The following HS6ST3 variants were observed in gnomAD, a reference collection of about 807,000 sequenced individuals.
HS6ST3 encodes heparan sulfate 6-O-sulfotransferase 3.
In HS6ST3, 12 loss-of-function variants were observed where a neutral mutation model predicts 36.7. The ratio of observed to expected loss-of-function variants is 0.33; its 90% confidence interval spans 0.21 to 0.53. The LOEUF (loss-of-function observed/expected upper bound fraction) is 0.53. Ranked by LOEUF, HS6ST3 falls within the 20% of genes least tolerant of loss-of-function variation. The pLI, the probability that HS6ST3 is intolerant of heterozygous loss-of-function variation, is 0.95. For missense variants in HS6ST3, 584 were observed against 640.9 expected (o/e 0.91, Z 0.96); for synonymous variants, 240 against 257.5 (o/e 0.93, Z 0.65).
At chr13:96,261,646 G>C (rs1437859336) in intron 1 of HS6ST3, among the ~76,000 whole-genome samples, 1 of 152,154 alleles carries the variant, frequency 6.6e-6, no homozygotes, top group Non-Finnish European at 1.5e-5. Flanking sequence ...CACTCAATCT[G>C]TTTAGGCCTA....
rs148499380 is a variant in HS6ST3 at position 96,179,702 on chromosome 13, G to A, written c.707+88133G>A. Among the ~76,000 whole-genome samples, 345 of 152,210 alleles carry A rather than the reference G, an allele frequency of 2.3e-3. 2 individuals are homozygous for A. The highest frequency in any genetic ancestry group is 8.0e-3 in the African/African-American group (332 of 41,516). ...CATCTCTAAAACACTCCTCACTACA[G>A]TCTGTCTTGGATTATACTTATGAGT... is the stretch of plus-strand genomic sequence containing the variant. On this transcript the variant is annotated intron_variant, in intron 1 of 1. Transcript: ENST00000376705.
At position 96,096,038 on chromosome 13, in the gene HS6ST3, T is replaced by C. The variant is rs147810160; in HGVS notation, c.707+4469T>C. ...TGAACCTTCAGATCTCTTTTTTTTTTGTATACCACTTAGGAAAAATTTTAA... is the reference window on the plus strand; with the variant it reads ...TGAACCTTCAGATCTCTTTTTTTTTCGTATACCACTTAGGAAAAATTTTAA... On this transcript the variant is annotated intron_variant, in intron 1 of 1. Coordinates refer to ENST00000376705, the MANE Select transcript of HS6ST3 (RefSeq NM_153456.4). 1.4e-3 allele frequency among the ~76,000 whole-genome samples: 212 copies of C among 152,224 alleles called. 1 individual carries two copies. Among genetic ancestry groups the C allele is most frequent in the African/African-American group, 4.8e-3 (198 of 41,536 alleles).
intron 1 of HS6ST3, among the ~76,000 whole-genome samples, chr13:96,661,729 G>T (rs890677157): frequency 6.6e-6 from 1 of 152,112 alleles, no homozygotes; most frequent in East Asian, 1.9e-4. Flanking sequence ...ATGATGGTGA[G>T]TTTTGCCCAT....
At chr13:96,609,379 T>A (rs2056449868) in intron 1 of HS6ST3, among the ~76,000 whole-genome samples, 1 of 152,222 alleles carries the variant, frequency 6.6e-6, no homozygotes, top group Non-Finnish European at 1.5e-5. Flanking sequence ...CTGCTGGTTA[T>A]ACCTTGAAGA....
intron 1 of HS6ST3, among the ~76,000 whole-genome samples, chr13:96,433,637 A>G (rs2055627094): frequency 6.6e-6 from 1 of 152,180 alleles, no homozygotes; most frequent in African/African-American, 2.4e-5. Flanking sequence ...CTGTGAGTCT[A>G]TTAAACCTCT....
intron 1 of HS6ST3, among the ~76,000 whole-genome samples, chr13:96,611,688 C>T (rs1257390719): frequency 6.6e-6 from 1 of 152,206 alleles, no homozygotes; most frequent in Non-Finnish European, 1.5e-5. Flanking sequence ...ATAGCCTTTG[C>T]TCAGGCATAC....
At chr13:96,267,015 G>A (rs1402331460) in intron 1 of HS6ST3, among the ~76,000 whole-genome samples, 1 of 152,158 alleles carries the variant, frequency 6.6e-6, no homozygotes, top group Non-Finnish European at 1.5e-5. Context: ...GGACCTGATG[G>A]GAGGGACCCA....
chr13:96,550,168 G>T (rs74107924), intron 1 of HS6ST3, among the ~76,000 whole-genome samples: 1 of 152,136 alleles, frequency 6.6e-6, no homozygotes, highest in Admixed American at 6.6e-5. Context: ...TGCAGATGGG[G>T]CCTAGTGGGA....
intron 1 of HS6ST3, among the ~76,000 whole-genome samples, chr13:96,535,112 G>C (rs983026496): frequency 6.6e-5 from 10 of 152,270 alleles, no homozygotes; most frequent in African/African-American, 2.2e-4. Context: ...AGAGAGTCCT[G>C]AATAATGTGG....
intron 1 of HS6ST3, among the ~76,000 whole-genome samples, chr13:96,343,146 C>G (rs1364722476): frequency 6.6e-6 from 1 of 152,222 alleles, no homozygotes; most frequent in African/African-American, 2.4e-5. Flanking sequence ...TGCCAGAGCA[C>G]TTGCTATCTT....
chr13:96,576,644 T>C (rs887636356), intron 1 of HS6ST3, among the ~76,000 whole-genome samples: 1 of 152,152 alleles, frequency 6.6e-6, no homozygotes, highest in Non-Finnish European at 1.5e-5. Context: ...CTGATTTTTT[T>C]CTTGTAGAAA....
chr13:96,627,464 T>A (rs948366365), intron 1 of HS6ST3, among the ~76,000 whole-genome samples: 14 of 152,030 alleles, frequency 9.2e-5, no homozygotes, highest in African/African-American at 3.4e-4. Flanking sequence ...ATATCCATGA[T>A]TTGTATTAGC....
intron 1 of HS6ST3, among the ~76,000 whole-genome samples, chr13:96,611,000 G>A (rs750814568): frequency 3.3e-5 from 5 of 151,670 alleles, no homozygotes; most frequent in Admixed American, 2.6e-4. Flanking sequence ...AATGTATCAG[G>A]CTTAAAAACA....
chr13:96,285,624 T>A (rs935791358), intron 1 of HS6ST3, among the ~76,000 whole-genome samples: 3 of 152,188 alleles, frequency 2.0e-5, no homozygotes, highest in African/African-American at 7.2e-5. Flanking sequence ...GTAGGCGTGC[T>A]GTGGACTGGA....
chr13:96,746,334 A>AT (rs1254242518), intron 1 of HS6ST3, among the ~76,000 whole-genome samples: 2 of 152,078 alleles, frequency 1.3e-5, no homozygotes, highest in African/African-American at 4.8e-5. Context: ...TGCCCCCTAA[A>AT]TTCTATTACT....
chr13:96,178,496 G>C (rs1447182423), intron 1 of HS6ST3, among the ~76,000 whole-genome samples: 1 of 151,870 alleles, frequency 6.6e-6, no homozygotes, highest in Non-Finnish European at 1.5e-5. Context: ...TATACACTGT[G>C]CTGGTAAATT....
intron 1 of HS6ST3, among the ~76,000 whole-genome samples, chr13:96,694,421 G>A (rs557254445): frequency 2.6e-4 from 39 of 152,168 alleles, no homozygotes; most frequent in Admixed American, 1.4e-3. Flanking sequence ...CTATTGATGG[G>A]CATTTATGTT....
At chr13:96,162,822 G>A (rs79982876) in intron 1 of HS6ST3, among the ~76,000 whole-genome samples, 1 of 151,816 alleles carries the variant, frequency 6.6e-6, no homozygotes, top group South Asian at 2.1e-4. Context: ...ATGTAGTTTG[G>A]TTTATATTTG....
intron 1 of HS6ST3, among the ~76,000 whole-genome samples, chr13:96,644,673 C>T (rs1415380016): frequency 1.3e-5 from 2 of 151,860 alleles, no homozygotes; most frequent in East Asian, 1.9e-4. Flanking sequence ...ACATGCAGTC[C>T]GTGACTCAAG....
Sources: allele counts gnomAD v4.1 joint callset (sites outside exome capture counted in the v4.1 genomes callset), GRCh38; gene constraint gnomAD v4.1.1; transcripts MANE v1.5; gene names NCBI Gene and HGNC (gene_info 2026-07-23, HGNC 2026-07-21).